The following SCFD2 variants were observed in gnomAD, a reference collection of about 807,000 sequenced individuals.
SCFD2 encodes the protein sec1 family domain containing 2, also known as sec1 family domain-containing protein 2.
Under a neutral mutation model 58.9 loss-of-function variants are expected in SCFD2, and 54 were observed. The ratio of observed to expected loss-of-function variants is 0.92; its 90% confidence interval spans 0.74 to 1.15. The LOEUF (loss-of-function observed/expected upper bound fraction) is 1.15. Ranked by LOEUF, SCFD2 falls within the 50% of genes most tolerant of loss-of-function variation. The pLI is 0.00. For synonymous variants in SCFD2, 321 were observed against 335.9 expected (o/e 0.96, Z 0.49); for missense variants, 805 against 836.6 (o/e 0.96, Z 0.47).
At chr4:53,182,346 C>T (rs920073077) in intron 4 of SCFD2, among the ~76,000 whole-genome samples, 7 of 152,036 alleles carry the variant, frequency 4.6e-5, no homozygotes, top group African/African-American at 1.7e-4. Context: ...AGAAATAATG[C>T]CACATATCTA....
intron 4 of SCFD2, among the ~76,000 whole-genome samples, chr4:53,254,896 G>A (rs1365155002): frequency 7.0e-6 from 1 of 142,128 alleles, no homozygotes; most frequent in Non-Finnish European, 1.5e-5. Context: ...TTTTTGAGAT[G>A]GAGTCTCGCT....
chr4:53,162,037 C>A (rs1188450798), intron 4 of SCFD2, among the ~76,000 whole-genome samples: 1 of 152,142 alleles, frequency 6.6e-6, no homozygotes, highest in Non-Finnish European at 1.5e-5. Flanking sequence ...CCAGCCAGTG[C>A]CAACTCAACA....
intron 5 of SCFD2, among the ~76,000 whole-genome samples, chr4:52,967,719 C>T (rs183641856): frequency 7.2e-5 from 11 of 152,274 alleles, no homozygotes; most frequent in African/African-American, 2.6e-4. Context: ...GAATCTCTCC[C>T]CATTGCCCTG....
intron 4 of SCFD2, among the ~76,000 whole-genome samples, chr4:53,148,813 G>A (rs1370587241): frequency 6.6e-6 from 1 of 152,090 alleles, no homozygotes; most frequent in Admixed American, 6.5e-5. Flanking sequence ...AGTTTGAGAA[G>A]AGCCTGGGCA....
At chr4:53,273,082 C>T (rs1157571031) in intron 4 of SCFD2, among the ~76,000 whole-genome samples, 1 of 151,992 alleles carries the variant, frequency 6.6e-6, no homozygotes, top group Non-Finnish European at 1.5e-5. Context: ...AAAAATGCTT[C>T]AACTTTATCT....
chr4:53,188,409 T>A (rs935174985), intron 4 of SCFD2, among the ~76,000 whole-genome samples: 1 of 146,442 alleles, frequency 6.8e-6, no homozygotes, highest in Non-Finnish European at 1.5e-5. Context: ...GTCCTCACAC[T>A]TCAAAACTGG....
At chr4:53,163,168 C>T (rs1726905603) in intron 4 of SCFD2, among the ~76,000 whole-genome samples, 1 of 152,170 alleles carries the variant, frequency 6.6e-6, no homozygotes, top group Non-Finnish European at 1.5e-5. Context: ...GCAGGTTAGA[C>T]CAGCATATTT....
intron 2 of SCFD2, among the ~76,000 whole-genome samples, chr4:53,329,708 G>C (rs1229393732): frequency 1.3e-5 from 2 of 152,168 alleles, no homozygotes; most frequent in African/African-American, 2.4e-5. Context: ...CCAAAGGAAC[G>C]CAGTTCCTCA....
At chr4:53,178,310 G>T (rs933198111) in intron 4 of SCFD2, among the ~76,000 whole-genome samples, 4 of 152,164 alleles carry the variant, frequency 2.6e-5, no homozygotes, top group African/African-American at 9.7e-5. Flanking sequence ...ACTTCCAGAG[G>T]AACGGTCAGG....
chr4:53,265,643 A>T (rs1404236117), intron 4 of SCFD2: 1 of 152,154 alleles, frequency 6.6e-6, no homozygotes, highest in Non-Finnish European at 1.5e-5. Flanking sequence ...TTCTCTTTGA[A>T]GTTCAAGCAC....
At chr4:53,055,075 A>G (rs1247958093) in intron 5 of SCFD2, among the ~76,000 whole-genome samples, 3 of 152,200 alleles carry the variant, frequency 2.0e-5, no homozygotes, top group Non-Finnish European at 4.4e-5. Flanking sequence ...CCACAATATC[A>G]GTAATAACAC....
Position 53,313,822 on chromosome 4 carries a change from T to C in SCFD2, c.1008-59A>G, listed in dbSNP as rs1732771022. ...AATTTCTACTGGATACTGGAAAGGG[T>C]TGAAAGCAAAATACTTTTTAAAATA... is the stretch of plus-strand genomic sequence containing the variant. On this transcript the variant is annotated intron_variant, in intron 2 of 8. Coordinates refer to ENST00000401642, the MANE Select transcript of SCFD2 (RefSeq NM_152540.4). The C allele has an allele frequency of 1.9e-6, 3 of 1,542,282 alleles. No homozygotes were observed. The Admixed American group carries it at 5.1e-5, about 26-fold the overall frequency.
At chr4:52,909,260 G>T (rs1719427220) in intron 6 of SCFD2, among the ~76,000 whole-genome samples, 1 of 152,176 alleles carries the variant, frequency 6.6e-6, no homozygotes, top group African/African-American at 2.4e-5. Flanking sequence ...GCTGTTTATT[G>T]TTTGTAGTAC....
At chr4:53,222,574 G>T (rs546739857) in intron 4 of SCFD2, among the ~76,000 whole-genome samples, 2 of 152,128 alleles carry the variant, frequency 1.3e-5, no homozygotes, top group African/African-American at 4.8e-5. Context: ...AAACAAGACG[G>T]GACTTCAACA....
At chr4:53,172,925 A>C (rs1171524372) in intron 4 of SCFD2, among the ~76,000 whole-genome samples, 1 of 152,194 alleles carries the variant, frequency 6.6e-6, no homozygotes, top group African/African-American at 2.4e-5. Flanking sequence ...CTGTCCCTTG[A>C]AAGTCAGGTA....
chr4:53,180,259 C>T (rs1416161266), intron 4 of SCFD2, among the ~76,000 whole-genome samples: 1 of 152,160 alleles, frequency 6.6e-6, no homozygotes, highest in African/African-American at 2.4e-5. Flanking sequence ...AAGTAAAGCA[C>T]TCCTCAGCAA....
At chr4:52,912,454 A>G (rs1297513759) in intron 6 of SCFD2, among the ~76,000 whole-genome samples, 1 of 152,124 alleles carries the variant, frequency 6.6e-6, no homozygotes, top group Non-Finnish European at 1.5e-5. Flanking sequence ...AGCATAGTAA[A>G]CGATGTAAAT....
At chr4:53,316,494 T>C (rs1732867097) in intron 2 of SCFD2, among the ~76,000 whole-genome samples, 1 of 152,246 alleles carries the variant, frequency 6.6e-6, no homozygotes, top group Non-Finnish European at 1.5e-5. Flanking sequence ...CTTTCCTGAT[T>C]CACAATAAAT....
intron 4 of SCFD2, among the ~76,000 whole-genome samples, chr4:53,267,553 T>C (rs934097475): frequency 6.6e-6 from 1 of 152,202 alleles, no homozygotes; most frequent in African/African-American, 2.4e-5. Flanking sequence ...TTTAAATGTT[T>C]ACTTCTTTTC....
Sources: allele counts gnomAD v4.1 joint callset (sites outside exome capture counted in the v4.1 genomes callset), GRCh38; gene constraint gnomAD v4.1.1; transcripts MANE v1.5; gene names NCBI Gene and HGNC (gene_info 2026-07-23, HGNC 2026-07-21).